Variants in TPP2 observed in about 807,000 individuals in gnomAD.
TPP2 encodes tripeptidyl-peptidase 2.
In TPP2, 34 loss-of-function variants were observed where a neutral mutation model predicts 155.9. The ratio of observed to expected loss-of-function variants is 0.22; its 90% CI spans 0.17 to 0.29. The LOEUF is 0.29. TPP2 is among the 10% of genes least tolerant of loss of function. TPP2 has a pLI of 1.00. For missense variants in TPP2, 1,028 were observed against 1,522.3 expected, an observed-to-expected ratio of 0.68 and a Z score of 5.40; for synonymous variants, 510 against 529.4, an observed-to-expected ratio of 0.96 and a Z score of 0.50.
At chr13:102,621,647 A>T (rs566040215) in intron 5 of TPP2, among the ~76,000 whole-genome samples, 1 of 152,184 alleles carries the variant, frequency 6.6e-6, no homozygotes, top group African/African-American at 2.4e-5. Flanking sequence ...AAGACATGGA[A>T]GGTTTTCAGC....
At position 102,630,084 on chromosome 13, in the gene TPP2, TC is replaced by T. The variant is rs781434933; in HGVS notation, c.1145-10del. On this transcript the variant is annotated splice_polypyrimidine_tract_variant and intron_variant, in intron 9 of 29. Transcript: ENST00000376052. ...TTGTTTTCTTTTCTTAATGATTAAA[TC>T]CATCCCACAGGTGTTGGTGCTTATG... is the stretch of plus-strand genomic sequence containing the variant. 3 of 1,609,352 alleles carry T rather than the reference TC, an allele frequency of 1.9e-6. No individual in the cohort carries two copies. The African/African-American group carries it at 4.0e-5, about 22-fold the overall frequency.
intron 7 of TPP2, 79 bp downstream of exon 7, chr13:102,627,245 G>C: frequency 7.2e-7 from 1 of 1,390,998 alleles, no homozygotes; most frequent in East Asian, 2.5e-5. Flanking sequence ...AGTGCTCCTA[G>C]TTTACCAAGA....
At chr13:102,653,222 A>G (rs1043879957) in intron 24 of TPP2, among the ~76,000 whole-genome samples, 1 of 152,246 alleles carries the variant, frequency 6.6e-6, no homozygotes, top group Non-Finnish European at 1.5e-5. Context: ...ACAGTTTTAT[A>G]GTCACATTAC....
At chr13:102,677,371 G>GCCCC (rs11355801) in intron 29 of TPP2, among the ~76,000 whole-genome samples, 1 of 151,218 alleles carries the variant, frequency 6.6e-6, no homozygotes, top group Non-Finnish European at 1.5e-5. Context: ...CCTCCACTCT[G>GCCCC]CCCCCCCCGC....
chr13:102,674,469 G>T lies in TPP2; in HGVS notation c.3558G>T (p.Trp1186Cys). The change falls in exon 28 of 30, where the codon TGG (tryptophan) becomes TGT (cysteine). Residue 1186 changes from tryptophan to cysteine, a missense_variant. Physicochemically the swap from Trp to Cys is radical, Grantham distance 215. This residue lies in a region of TPP2 where 116 missense variants were observed against 117.3 expected (regional missense o/e 0.99). Coordinates refer to ENST00000376052, the MANE Select transcript of TPP2 (RefSeq NM_001330588.2). ...AAACATTTTGGGAAACTACTAAATGGACTGATCTCTTTGACAATAAGGTAA... is the reference window on the plus strand; with the variant it reads ...AAACATTTTGGGAAACTACTAAATGTACTGATCTCTTTGACAATAAGGTAA... ...LAETFWETTKWTDLFDNKVLT... is the reference protein window; with the variant it reads ...LAETFWETTKCTDLFDNKVLT... 6.2e-7 allele frequency: 1 copy of T among 1,613,682 alleles called. No individual in the cohort carries two copies. Among genetic ancestry groups the T allele is most frequent in the South Asian group, 1.1e-5 (1 of 91,060 alleles).
At position 102,644,596 on chromosome 13, in the gene TPP2, G is replaced by A; in HGVS notation, c.2215G>A (p.Ala739Thr). 6.2e-7 allele frequency: 1 copy of A among 1,612,386 alleles called. No individual in the cohort carries two copies. Among genetic ancestry groups the A allele is most frequent in the Non-Finnish European group, 8.5e-7 (1 of 1,179,200 alleles). ...AIEFCIARWW[A>T]SLSDVNIDYT... ...TGAATTTTGCATTGCTCGTTGGTGG[G>A]CAAGTCTCAGTGATGTCAACATTGA... Residue 739 changes from alanine (A) to threonine (T), a missense_variant, in exon 18 of 30, where the codon GCA becomes ACA. This residue lies in a region of TPP2 where 325 missense variants were observed against 463.7 expected (regional missense o/e 0.70). Coordinates refer to ENST00000376052, the MANE Select transcript of TPP2 (RefSeq NM_001330588.2).
At chr13:102,677,652 GCA>G (rs1885366076) in intron 29 of TPP2, among the ~76,000 whole-genome samples, 1 of 152,068 alleles carries the variant, frequency 6.6e-6, no homozygotes, top group African/African-American at 2.4e-5. Context: ...CCAGATTTTC[GCA>G]CAGATTTCTT....
chr13:102,631,605 C>T (rs1343133531), intron 10 of TPP2: 2 of 152,188 alleles, frequency 1.3e-5, no homozygotes, highest in Non-Finnish European at 2.9e-5. Flanking sequence ...TTAAACCAGC[C>T]TTTGCCGATA....
At chr13:102,628,012 G>A in intron 8 of TPP2, 88 bp downstream of exon 8, 1 of 1,039,472 alleles carries the variant, frequency 9.6e-7, no homozygotes, top group Non-Finnish European at 1.4e-6. Context: ...GAGTGTCACG[G>A]TGGAAGAAAG....
intron 2 of TPP2, among the ~76,000 whole-genome samples, chr13:102,606,409 C>T (rs1033185858): frequency 6.6e-6 from 1 of 152,142 alleles, no homozygotes; most frequent in African/African-American, 2.4e-5. Flanking sequence ...TTGTGGGTCT[C>T]TGCTCAGGGT....
At chr13:102,658,760 T>TGG (rs35235102) in intron 25 of TPP2, among the ~76,000 whole-genome samples, 1 of 151,876 alleles carries the variant, frequency 6.6e-6, no homozygotes, top group East Asian at 1.9e-4. Flanking sequence ...CTCCAGCTCC[T>TGG]GGGGGAGGGA....
chr13:102,648,129 C>G (rs1415620936), intron 21 of TPP2, among the ~76,000 whole-genome samples: 2 of 152,138 alleles, frequency 1.3e-5, no homozygotes, highest in Non-Finnish European at 2.9e-5. Flanking sequence ...TCCTCTTGAA[C>G]CTGTTAAGTG....
At chr13:102,651,497 C>T in intron 24 of TPP2, 100 bp downstream of exon 24, 1 of 1,232,322 alleles carries the variant, frequency 8.1e-7, no homozygotes, top group Non-Finnish European at 1.1e-6. Flanking sequence ...ATAAGTCTCC[C>T]TTAGTTTCCT....
At chr13:102,657,316 T>C in intron 25 of TPP2, 109 bp downstream of exon 25, 1 of 825,382 alleles carries the variant, frequency 1.2e-6, no homozygotes, top group Non-Finnish European at 1.7e-6. Flanking sequence ...TTAACAGCAG[T>C]TGGTAGGATT....
At chr13:102,660,195 A>T (rs581614) in intron 25 of TPP2, among the ~76,000 whole-genome samples, 4 of 151,444 alleles carry the variant, frequency 2.6e-5, no homozygotes, top group Admixed American at 6.6e-5. Context: ...TAAAAAAAAA[A>T]TAAAAATGAA....
chr13:102,641,584 T>A (rs976749238), intron 16 of TPP2, among the ~76,000 whole-genome samples: 3 of 152,188 alleles, frequency 2.0e-5, no homozygotes, highest in African/African-American at 7.2e-5. Context: ...GAATAACTGG[T>A]TGTATTTGGT....
At chr13:102,657,831 A>T (rs1237211488) in intron 25 of TPP2, among the ~76,000 whole-genome samples, 2 of 152,160 alleles carry the variant, frequency 1.3e-5, no homozygotes, top group Non-Finnish European at 2.9e-5. Flanking sequence ...TTGCTTTCTG[A>T]GATGAGTATA....
chr13:102,678,443 A>G lies in TPP2; in HGVS notation c.*127A>G. On this transcript the variant is annotated 3_prime_UTR_variant, in exon 30 of 30. Coordinates refer to ENST00000376052, the MANE Select transcript of TPP2 (RefSeq NM_001330588.2). ...CTATCCAGTACTGATTATTAAAATGACATGTATTTATCAGAGAATTCACTG... is the reference window on the plus strand; with the variant it reads ...CTATCCAGTACTGATTATTAAAATGGCATGTATTTATCAGAGAATTCACTG... 1.4e-6 allele frequency: 1 copy of G among 709,310 alleles called. No individual in the cohort carries two copies. The highest frequency in any genetic ancestry group is 2.0e-5 in the South Asian group (1 of 49,640). The allele number at this position is 709,310 out of a possible 1,614,324, so 43.9% of individuals were successfully genotyped here.
intron 29 of TPP2, among the ~76,000 whole-genome samples, chr13:102,677,906 A>G (rs76551508): frequency 0.019 from 2,961 of 152,310 alleles, 45 homozygotes; most frequent in Non-Finnish European, 0.027. Flanking sequence ...AATGAATGAA[A>G]GGAACTTAGG....
Sources: gnomAD v4.1 joint callset for allele counts (sites outside exome capture counted in the v4.1 genomes callset) on GRCh38, gnomAD v4.1.1 for gene constraint, gnomAD v4.1.1 regional missense constraint, MANE v1.5 for transcripts, NCBI Gene and HGNC (gene_info 2026-07-23, HGNC 2026-07-21) for gene names.